MARCHF1: variants seen among roughly 807,000 people sequenced by gnomAD.
MARCHF1 encodes membrane associated ring-CH-type finger 1, also known as E3 ubiquitin-protein ligase MARCHF1.
A neutral mutation model predicts 54.2 loss-of-function variants in MARCHF1; 40 were observed. That is an observed-to-expected ratio of 0.74 (90% confidence interval 0.57 to 0.96). The LOEUF is 0.96. Among genes scored for constraint, MARCHF1 ranks in the 40% least tolerant of loss-of-function variants. The pLI is 0.00. For synonymous variants in MARCHF1, 236 were observed against 236.3 expected (o/e 1.00, Z 0.01); for missense variants, 586 against 656.5 (o/e 0.89, Z 1.17).
At chr4:164,196,816 T>A (rs985293682) in intron 1 of MARCHF1, among the ~76,000 whole-genome samples, 1 of 151,866 alleles carries the variant, frequency 6.6e-6, no homozygotes, top group African/African-American at 2.4e-5. Flanking sequence ...CTGCCCTCCC[T>A]CCCTCCACAA....
intron 4 of MARCHF1, among the ~76,000 whole-genome samples, chr4:163,782,002 C>T (rs189581246): frequency 8.1e-4 from 124 of 152,258 alleles, no homozygotes; most frequent in African/African-American, 2.9e-3. Context: ...ACATATGATG[C>T]ATCTTTCCCT....
intron 3 of MARCHF1, among the ~76,000 whole-genome samples, chr4:163,938,006 A>G (rs1270646556): frequency 1.6e-4 from 25 of 152,182 alleles, no homozygotes; most frequent in Admixed American, 1.6e-3. Context: ...TTTCCATTAT[A>G]TAAGATAAAA....
chr4:163,932,988 A>T (rs1751713248), intron 3 of MARCHF1: 1 of 887,658 alleles, frequency 1.1e-6, no homozygotes, highest in African/African-American at 1.7e-5. Context: ...TATAAGCAAG[A>T]AAGAGATACA....
At chr4:164,213,486 C>T (rs964373023) in intron 1 of MARCHF1, among the ~76,000 whole-genome samples, 8 of 151,776 alleles carry the variant, frequency 5.3e-5, no homozygotes, top group Admixed American at 3.3e-4. Context: ...TCGCCTGCCT[C>T]GGCCTCCCAA....
At chr4:163,600,899 T>C (rs773542172) in intron 7 of MARCHF1, among the ~76,000 whole-genome samples, 6 of 152,162 alleles carry the variant, frequency 3.9e-5, no homozygotes, top group Non-Finnish European at 8.8e-5. Flanking sequence ...TTCTGAATTA[T>C]GGCATCTTCA....
intron 2 of MARCHF1, among the ~76,000 whole-genome samples, chr4:164,075,071 C>T (rs78173508): frequency 0.077 from 11,696 of 152,058 alleles, 526 homozygotes; most frequent in Middle Eastern, 0.16. Flanking sequence ...ATATAACTTT[C>T]TTTAAAACAT....
At chr4:164,298,514 T>TGC (rs1437995381) in intron 1 of MARCHF1, among the ~76,000 whole-genome samples, 1 of 152,104 alleles carries the variant, frequency 6.6e-6, no homozygotes. Flanking sequence ...TTATATATTT[T>TGC]AAACAATTTT....
intron 1 of MARCHF1, among the ~76,000 whole-genome samples, chr4:164,356,851 A>G (rs927503908): frequency 6.6e-6 from 1 of 151,170 alleles, no homozygotes; most frequent in African/African-American, 2.4e-5. Context: ...CACAAATCAG[A>G]AAAATATTAG....
At chr4:163,614,611 T>C (rs1031115793) in intron 5 of MARCHF1, among the ~76,000 whole-genome samples, 2 of 152,092 alleles carry the variant, frequency 1.3e-5, no homozygotes, top group Non-Finnish European at 2.9e-5. Flanking sequence ...AAGGAACAAA[T>C]TCTAACTCAA....
At chr4:163,724,362 C>T (rs1745583642) in intron 4 of MARCHF1, among the ~76,000 whole-genome samples, 1 of 152,236 alleles carries the variant, frequency 6.6e-6, no homozygotes, top group Admixed American at 6.5e-5. Flanking sequence ...CTGATCGTTC[C>T]TCTGGAAGCT....
intron 4 of MARCHF1, among the ~76,000 whole-genome samples, chr4:163,708,842 T>C (rs571357954): frequency 1.1e-4 from 16 of 152,130 alleles, no homozygotes; most frequent in Non-Finnish European, 2.2e-4. Flanking sequence ...GCAAGGAATC[T>C]TAAAAAGCAA....
intron 3 of MARCHF1, among the ~76,000 whole-genome samples, chr4:163,935,220 C>T (rs1751767710): frequency 6.6e-6 from 1 of 152,088 alleles, no homozygotes; most frequent in Admixed American, 6.5e-5. Flanking sequence ...GCATTGGCTT[C>T]AATTTAAAGT....
At chr4:163,999,323 A>G (rs540196044) in intron 2 of MARCHF1, among the ~76,000 whole-genome samples, 42 of 151,702 alleles carry the variant, frequency 2.8e-4, no homozygotes, top group African/African-American at 9.4e-4. Context: ...ATAGTTAACC[A>G]CTCATATTTG....
At chr4:164,302,268 G>C (rs1734580077) in intron 1 of MARCHF1, among the ~76,000 whole-genome samples, 1 of 151,946 alleles carries the variant, frequency 6.6e-6, no homozygotes, top group African/African-American at 2.4e-5. Flanking sequence ...GCTTCTTATG[G>C]GCTATTTTTT....
intron 1 of MARCHF1, among the ~76,000 whole-genome samples, chr4:164,133,921 AT>A (rs778195095): frequency 9.2e-5 from 14 of 152,202 alleles, no homozygotes; most frequent in Non-Finnish European, 1.9e-4. Context: ...TAGATACTGT[AT>A]TAGATAAAGA....
chr4:163,576,008 T>G (rs955732790), intron 8 of MARCHF1, among the ~76,000 whole-genome samples: 1 of 151,990 alleles, frequency 6.6e-6, no homozygotes, highest in Non-Finnish European at 1.5e-5. Flanking sequence ...GTTGCATTGA[T>G]TTTTTGTATG....
chr4:163,617,539 C>A (rs1247736991), intron 5 of MARCHF1, among the ~76,000 whole-genome samples: 1 of 151,454 alleles, frequency 6.6e-6, no homozygotes. Context: ...ATTTTTAAAA[C>A]CTCACTTCAT....
chr4:163,963,464 T>A (rs567602733), intron 3 of MARCHF1, among the ~76,000 whole-genome samples: 1 of 152,008 alleles, frequency 6.6e-6, no homozygotes, highest in East Asian at 1.9e-4. Flanking sequence ...TAAAGGGAAG[T>A]TTTATGGATC....
intron 5 of MARCHF1, among the ~76,000 whole-genome samples, chr4:163,632,649 A>G (rs945782613): frequency 5.3e-5 from 8 of 152,210 alleles, no homozygotes; most frequent in Non-Finnish European, 1.2e-4. Context: ...TCAAACTGCA[A>G]GGCGGCAGCG....
Sources: gnomAD v4.1 joint callset for allele counts (sites outside exome capture counted in the v4.1 genomes callset) on GRCh38, gnomAD v4.1.1 for gene constraint, MANE v1.5 for transcripts, NCBI Gene and HGNC (gene_info 2026-07-23, HGNC 2026-07-21) for gene names.